Variants in TTC34 observed in about 807,000 individuals in gnomAD.
TTC34 encodes the protein tetratricopeptide repeat domain 34.
A neutral mutation model predicts 40.7 loss-of-function variants in TTC34; 44 were observed. The observed-to-expected ratio is 1.08, with a 90% CI of 0.85 to 1.39. The LOEUF is 1.39. Among genes scored for constraint, TTC34 ranks in the 40% most tolerant of loss-of-function variants. The pLI is 0.00. For synonymous variants in TTC34, 422 were observed against 398.6 expected (o/e 1.06, Z -0.70); for missense variants, 884 against 838.0 (o/e 1.05, Z -0.68).
Position 2,785,706 on chromosome 1 carries a change from G to C in TTC34, c.2059+113C>G, listed in dbSNP as rs992085050. On this transcript the variant is annotated intron_variant, in intron 5 of 8. Transcript: ENST00000401095. ...TGTCCAACCCGTGGGTGTTCCTGAG[G>C]CCCCTGCACCTGGGGAGCATGCGTG... The C allele has an allele frequency of 3.3e-6, 4 of 1,204,152 alleles. No homozygotes were observed. In the African/African-American group the frequency reaches 6.3e-5, roughly 19 times the overall value. The allele number at this position is 1,204,152 out of a possible 1,614,324, so 74.6% of individuals were successfully genotyped here. A position where few individuals can be genotyped will look rare whatever the true frequency, so the allele number is the denominator to read the frequency against.
chr1:2,657,309 G>A, intron 6 of TTC34, among the ~76,000 whole-genome samples: 2 of 121,888 alleles, frequency 1.6e-5, no homozygotes, highest in Middle Eastern at 4.3e-3. Flanking sequence ...ACACCCAGGT[G>A]AGCATCTGAC....
chr1:2,797,342 G>C (rs919014587), intron 2 of TTC34, among the ~76,000 whole-genome samples: 4 of 152,194 alleles, frequency 2.6e-5, no homozygotes, highest in Non-Finnish European at 4.4e-5. Context: ...GGGAGCCGCA[G>C]TGCCTTGCAG....
intron 6 of TTC34, among the ~76,000 whole-genome samples, chr1:2,693,050 A>G (rs1356118765): frequency 3.6e-5 from 1 of 28,048 alleles, no homozygotes; most frequent in Non-Finnish European, 9.7e-5. Context: ...CTGTACGCAC[A>G]GAGCAGCACC....
At chr1:2,799,100 A>G (rs1427897660) in intron 2 of TTC34, among the ~76,000 whole-genome samples, 1 of 141,346 alleles carries the variant, frequency 7.1e-6, no homozygotes, top group African/African-American at 2.7e-5. Context: ...CCAGACTTCC[A>G]GCCTCTCAGC....
chr1:2,759,436 A>C, intron 6 of TTC34, among the ~76,000 whole-genome samples: 1 of 108,584 alleles, frequency 9.2e-6, no homozygotes, highest in Non-Finnish European at 1.8e-5. Context: ...CAGCACCCAC[A>C]CTCCCAGGCG....
chr1:2,699,364 C>T (rs1169136743), intron 6 of TTC34, among the ~76,000 whole-genome samples: 1 of 110,784 alleles, frequency 9.0e-6, no homozygotes, highest in African/African-American at 2.9e-5. Context: ...TGGAACAGCA[C>T]CGCACACCCG....
At chr1:2,650,901 C>A (rs12732266) in intron 6 of TTC34, among the ~76,000 whole-genome samples, 1 of 150,770 alleles carries the variant, frequency 6.6e-6, no homozygotes, top group East Asian at 2.0e-4. Context: ...GCAACAGCAC[C>A]CACACCCCCA....
chr1:2,644,231 T>C, intron 8 of TTC34, 33 bp downstream of exon 8: 1 of 1,517,484 alleles, frequency 6.6e-7, no homozygotes. Flanking sequence ...TGGGGAAGGT[T>C]GGGGTGGGAG....
intron 6 of TTC34, among the ~76,000 whole-genome samples, chr1:2,660,611 G>C (rs1432004162): frequency 2.8e-5 from 1 of 36,060 alleles, no homozygotes; most frequent in Non-Finnish European, 6.0e-5. Flanking sequence ...GCATCTGATG[G>C]TCTGGAGCAG....
intron 6 of TTC34, among the ~76,000 whole-genome samples, chr1:2,686,961 C>A (rs1411970947): frequency 2.9e-4 from 43 of 148,644 alleles, no homozygotes; most frequent in Admixed American, 5.3e-4. Flanking sequence ...GCAGCACCCA[C>A]ACTGCCAGGC....
At chr1:2,688,491 C>A (rs530074510) in intron 6 of TTC34, among the ~76,000 whole-genome samples, 4 of 136,922 alleles carry the variant, frequency 2.9e-5, no homozygotes, top group East Asian at 4.1e-4. Flanking sequence ...CACCCCACAC[C>A]CACAGGTGAG....
At chr1:2,778,269 T>G (rs1643375729) in intron 6 of TTC34, among the ~76,000 whole-genome samples, 1 of 152,230 alleles carries the variant, frequency 6.6e-6, no homozygotes. Flanking sequence ...GTGCTGTGCT[T>G]TTACCCAGCG....
At chr1:2,677,553 TGGAGCAGCACCC>T (rs1557601689) in intron 6 of TTC34, among the ~76,000 whole-genome samples, 1 of 41,030 alleles carries the variant, frequency 2.4e-5, no homozygotes, top group Non-Finnish European at 5.4e-5. Context: ...ACTGACAGCC[TGGAGCAGCACCC>T]ACACACCCAG....
At chr1:2,777,385 A>C (rs1300514264) in intron 6 of TTC34, among the ~76,000 whole-genome samples, 3 of 150,940 alleles carry the variant, frequency 2.0e-5, no homozygotes, top group African/African-American at 4.9e-5. Context: ...CCTCCAGGGG[A>C]GCATCTGACA....
At chr1:2,673,427 C>A (rs1428713148) in intron 6 of TTC34, among the ~76,000 whole-genome samples, 2 of 81,200 alleles carry the variant, frequency 2.5e-5, no homozygotes, top group African/African-American at 4.3e-5. Flanking sequence ...TTTGCGGCAA[C>A]ACTGACACCC....
intron 6 of TTC34, among the ~76,000 whole-genome samples, chr1:2,761,321 CAA>C (rs1641678044): frequency 1.2e-5 from 1 of 86,066 alleles, no homozygotes; most frequent in Non-Finnish European, 2.1e-5. Context: ...GCAGCACCCA[CAA>C]CCCCAGGTGA....
chr1:2,786,930 G>A (rs539445137), intron 4 of TTC34, among the ~76,000 whole-genome samples: 5 of 152,318 alleles, frequency 3.3e-5, no homozygotes, highest in East Asian at 3.9e-4. Flanking sequence ...GGAGGAAGAC[G>A]CGAGAAGGCC....
At chr1:2,750,158 A>G (rs1361827753) in intron 6 of TTC34, among the ~76,000 whole-genome samples, 1,309 of 78,728 alleles carry the variant, frequency 0.017, 10 homozygotes, top group South Asian at 0.03. Flanking sequence ...GGAGCAGAAC[A>G]AACACCCCCA....
chr1:2,655,189 T>C (rs76936483), intron 6 of TTC34, among the ~76,000 whole-genome samples: 3 of 55,328 alleles, frequency 5.4e-5, no homozygotes, highest in African/African-American at 6.0e-5. Flanking sequence ...GGTGAGCATC[T>C]GATATCCTGG....
Sources: gnomAD v4.1 joint callset for allele counts (sites outside exome capture counted in the v4.1 genomes callset) on GRCh38, gnomAD v4.1.1 for gene constraint, MANE v1.5 for transcripts, NCBI Gene and HGNC (gene_info 2026-07-23, HGNC 2026-07-21) for gene names.